The following KIF2A variants were observed in gnomAD, a reference collection of about 807,000 sequenced individuals.
KIF2A encodes the protein kinesin family member 2A, also known as kinesin-like protein KIF2A.
Under a neutral mutation model 100.2 loss-of-function variants are expected in KIF2A, and 22 were observed. That is an observed-to-expected ratio of 0.22 (90% confidence interval 0.16 to 0.31). The LOEUF (loss-of-function observed/expected upper bound fraction) is 0.31. Ranked by LOEUF, KIF2A falls within the 10% of genes least tolerant of loss-of-function variation. The probability of loss-of-function intolerance (pLI) is 1.00; values close to 1 mark genes in which losing one functional copy is unlikely to be tolerated. For missense variants in KIF2A, 495 were observed against 898.7 expected (o/e 0.55, Z 5.74); for synonymous variants, 268 against 285.9 (o/e 0.94, Z 0.63).
Position 62,381,220 on chromosome 5 carries a change from G to A in KIF2A, c.2116G>A (p.Glu706Lys). The change falls in exon 20 of 21, where the codon GAG becomes AAG. Residue 706 changes from glutamate (E) to lysine (K), a missense_variant. Transcript: ENST00000407818. ...SYATQLEAIL[E>K]QKIDILTELR... ...TGCTACACAACTTGAAGCTATTCTT[G>A]AGCAAAAAATAGACATTTTAACTGA... The A allele has an allele frequency of 1.2e-6, 2 of 1,612,108 alleles. No homozygotes were observed. The highest frequency in any genetic ancestry group is 1.7e-6 in the Non-Finnish European group (2 of 1,178,588).
intron 1 of KIF2A, among the ~76,000 whole-genome samples, chr5:62,320,565 A>T (rs1580005634): frequency 4.0e-5 from 6 of 148,664 alleles, no homozygotes; most frequent in Admixed American, 6.7e-5. Flanking sequence ...TGACTATAGC[A>T]TTTTTTTTTT....
At chr5:62,308,481 A>T (rs1408124272) in intron 1 of KIF2A, 7 of 776,552 alleles carry the variant, frequency 9.0e-6, no homozygotes, top group African/African-American at 1.7e-5. Flanking sequence ...AGTAGCCAAG[A>T]TAGGGAAGCA....
At chr5:62,306,971 G>T (rs563473386) in intron 1 of KIF2A, 66 of 158,238 alleles carry the variant, frequency 4.2e-4, no homozygotes, top group South Asian at 2.6e-3. Flanking sequence ...GGATGGGGGT[G>T]GGGGAGCGGG....
chr5:62,306,851 C>A (rs951671970), intron 1 of KIF2A: 1 of 369,898 alleles, frequency 2.7e-6, no homozygotes, highest in Non-Finnish European at 4.9e-6. Context: ...ATCTCCAGCC[C>A]CCCCCCGGGG....
At chr5:62,363,068 T>C in intron 12 of KIF2A, 110 bp from the exon 13 acceptor site, 1 of 829,090 alleles carries the variant, frequency 1.2e-6, no homozygotes, top group Non-Finnish European at 1.8e-6. Context: ...GCTCAAGCCA[T>C]CCTCCTGCCT....
At chr5:62,313,321 C>T (rs951833427) in intron 1 of KIF2A, among the ~76,000 whole-genome samples, 21 of 152,084 alleles carry the variant, frequency 1.4e-4, no homozygotes, top group East Asian at 3.9e-4. Flanking sequence ...GACCAATATC[C>T]GTGATCCCTC....
chr5:62,367,386 C>T (rs917123784), intron 16 of KIF2A, among the ~76,000 whole-genome samples: 1 of 152,010 alleles, frequency 6.6e-6, no homozygotes, highest in Non-Finnish European at 1.5e-5. Flanking sequence ...CCTGCCTCAG[C>T]CCCCTGGGTA....
chr5:62,319,187 C>CAAA (rs1170930089), intron 1 of KIF2A, among the ~76,000 whole-genome samples: 11 of 151,212 alleles, frequency 7.3e-5, no homozygotes, highest in Non-Finnish European at 1.0e-4. Context: ...ACAACAACAA[C>CAAA]AAAAAACCCA....
intron 1 of KIF2A, among the ~76,000 whole-genome samples, chr5:62,315,503 G>A (rs1232546371): frequency 6.6e-6 from 1 of 152,224 alleles, no homozygotes; most frequent in Non-Finnish European, 1.5e-5. Flanking sequence ...TAAATGGTGA[G>A]AGGAAGATGA....
intron 14 of KIF2A, among the ~76,000 whole-genome samples, chr5:62,364,296 C>A (rs1438444610): frequency 1.3e-5 from 2 of 152,062 alleles, no homozygotes; most frequent in Non-Finnish European, 2.9e-5. Flanking sequence ...TACAGGCACG[C>A]ACCACCACAC....
intron 20 of KIF2A, among the ~76,000 whole-genome samples, chr5:62,384,425 T>C (rs1741923694): frequency 6.6e-6 from 1 of 152,214 alleles, no homozygotes; most frequent in Non-Finnish European, 1.5e-5. Flanking sequence ...ACCTTGACAC[T>C]GTTAACATTT....
At chr5:62,379,465 C>A (rs1741686490) in intron 19 of KIF2A, among the ~76,000 whole-genome samples, 1 of 152,080 alleles carries the variant, frequency 6.6e-6, no homozygotes, top group Non-Finnish European at 1.5e-5. Context: ...GAGTTCGATA[C>A]CAGCCTGACC....
At chr5:62,352,788 A>C (rs1747918976) in intron 5 of KIF2A, 78 bp downstream of exon 5, 1 of 1,186,314 alleles carries the variant, frequency 8.4e-7, no homozygotes. Context: ...TTAAGTCCTC[A>C]AAGAGTAAAC....
intron 20 of KIF2A, 89 bp downstream of exon 20, chr5:62,381,342 T>C (rs937114920): frequency 3.7e-6 from 4 of 1,066,928 alleles, no homozygotes; most frequent in Non-Finnish European, 5.5e-6. Flanking sequence ...CAAGAGGACA[T>C]ACGAAGTGAA....
chr5:62,327,538 C>G (rs1332324715), intron 1 of KIF2A, among the ~76,000 whole-genome samples: 1 of 152,212 alleles, frequency 6.6e-6, no homozygotes, highest in Non-Finnish European at 1.5e-5. Flanking sequence ...ATTAGAGAGC[C>G]TACTTCATAT....
intron 18 of KIF2A, among the ~76,000 whole-genome samples, chr5:62,376,066 G>A (rs1278775433): frequency 6.6e-6 from 1 of 152,156 alleles, no homozygotes; most frequent in Non-Finnish European, 1.5e-5. Context: ...ACCTCCCAAA[G>A]ATGTGGAAAA....
At chr5:62,351,631 C>A (rs563647346) in intron 4 of KIF2A, among the ~76,000 whole-genome samples, 1 of 152,000 alleles carries the variant, frequency 6.6e-6, no homozygotes, top group Non-Finnish European at 1.5e-5. Flanking sequence ...TAAACACTAT[C>A]TTTTGAGTCT....
At chr5:62,344,676 T>C (rs535895960) in intron 1 of KIF2A, among the ~76,000 whole-genome samples, 2 of 152,336 alleles carry the variant, frequency 1.3e-5, no homozygotes, top group East Asian at 1.9e-4. Context: ...AGATATTCAG[T>C]GCAGCATCTT....
At chr5:62,358,012 G>T (rs1748203303) in intron 8 of KIF2A, 125 bp from the exon 9 acceptor site, 1 of 745,240 alleles carries the variant, frequency 1.3e-6, no homozygotes, top group Non-Finnish European at 2.1e-6. Flanking sequence ...ATTTTTATGG[G>T]ATATTATCTT....
Sources: gnomAD v4.1 joint callset for allele counts (sites outside exome capture counted in the v4.1 genomes callset) on GRCh38, gnomAD v4.1.1 for gene constraint, MANE v1.5 for transcripts, NCBI Gene and HGNC (gene_info 2026-07-23, HGNC 2026-07-21) for gene names.